RGS17: variants seen among roughly 807,000 people sequenced by gnomAD.
The protein encoded by RGS17 is regulator of G protein signaling 17, also known as regulator of G-protein signaling 17.
RGS17 carries 12 observed loss-of-function variants against 25.5 expected under a neutral mutation model. The observed-to-expected ratio is 0.47, with a 90% CI of 0.30 to 0.76. The LOEUF (loss-of-function observed/expected upper bound fraction) is 0.76. Ranked by LOEUF, RGS17 falls within the 30% of genes least tolerant of loss-of-function variation. The pLI, the probability that RGS17 is intolerant of heterozygous loss-of-function variation, is 0.07. For missense variants in RGS17, 196 were observed against 242.2 expected, an observed-to-expected ratio of 0.81 and a Z score of 1.27; for synonymous variants, 71 against 76.9, an observed-to-expected ratio of 0.92 and a Z score of 0.40.
intron 1 of RGS17, among the ~76,000 whole-genome samples, chr6:153,070,811 A>AT (rs1491519116): frequency 4.0e-5 from 6 of 150,934 alleles, no homozygotes; most frequent in African/African-American, 1.5e-4. Flanking sequence ...ACATATACAC[A>AT]TATACATATA....
rs1298822305 is a variant in RGS17, at chr6:153,054,090, T to G, written c.-25-10047A>C. Among the ~76,000 whole-genome samples the G allele has an allele frequency of 1.5e-3, 12 of 8,018 alleles. 1 individual carries two copies. The highest frequency in any genetic ancestry group is 5.0e-3 in the Admixed American group (2 of 398). 5.3% of individuals were successfully genotyped at this position (8,018 alleles called of 152,430 possible). A position where few individuals can be genotyped will look rare whatever the true frequency, so the allele number is the denominator to read the frequency against. ...TACATATATATATACACACAATATT[T>G]TTTATATATATATATATATATATGT... On this transcript the variant is annotated intron_variant, in intron 1 of 4. Coordinates refer to ENST00000206262, the MANE Select transcript of RGS17 (RefSeq NM_012419.5).
intron 1 of RGS17, among the ~76,000 whole-genome samples, chr6:153,083,947 C>A (rs1178669785): frequency 6.6e-6 from 1 of 152,140 alleles, no homozygotes; most frequent in Non-Finnish European, 1.5e-5. Flanking sequence ...TTGTAAATCT[C>A]ATTTTATGAA....
intron 2 of RGS17, among the ~76,000 whole-genome samples, chr6:153,037,454 G>A (rs1776263384): frequency 1.3e-5 from 2 of 148,486 alleles, no homozygotes. Flanking sequence ...TTGAGACAGA[G>A]TCTCTCTGTT....
chr6:153,024,369 A>G lies in RGS17; in HGVS notation c.337T>C (p.Phe113Leu), dbSNP rs775900403. The G allele has an allele frequency of 5.0e-6, 8 of 1,614,064 alleles. No homozygotes were observed. The highest frequency in any genetic ancestry group is 1.7e-6 in the Non-Finnish European group (2 of 1,180,002). Residue 113 changes from phenylalanine (F) to leucine (L), a missense_variant, in exon 4 of 5, where the codon TTC becomes CTC. By Grantham distance (22) the Phe-to-Leu change is conservative. Coordinates refer to ENST00000206262, the MANE Select transcript of RGS17 (RefSeq NM_012419.5). ...RTEYSEENLL[F>L]WLACEDLKKE... is the part of the protein sequence containing the mutation. ...TTTAAGTCTTCACAAGCAAGCCAGA[A>G]AAGTAGGTTCTCTTCACTGTATTCT...
At chr6:153,128,370 A>C (rs1777735892) in intron 1 of RGS17, among the ~76,000 whole-genome samples, 1 of 152,220 alleles carries the variant, frequency 6.6e-6, no homozygotes, top group South Asian at 2.1e-4. Flanking sequence ...GAGTATCAGA[A>C]ACAGGATTCT....
At chr6:153,053,618 T>C (rs1166536985) in intron 1 of RGS17, among the ~76,000 whole-genome samples, 1 of 151,916 alleles carries the variant, frequency 6.6e-6, no homozygotes, top group East Asian at 1.9e-4. Context: ...AGCCTCCATC[T>C]TTACAGAAAA....
intron 1 of RGS17, among the ~76,000 whole-genome samples, chr6:153,100,045 AT>A (rs1055327050): frequency 6.6e-6 from 1 of 152,206 alleles, no homozygotes; most frequent in African/African-American, 2.4e-5. Context: ...TACACTTTCA[AT>A]TTGGCAATAA....
intron 1 of RGS17, among the ~76,000 whole-genome samples, chr6:153,059,221 G>A (rs1327103080): frequency 6.6e-6 from 1 of 152,116 alleles, no homozygotes; most frequent in African/African-American, 2.4e-5. Context: ...CCCTATTAAA[G>A]TACTGAATCA....
intron 1 of RGS17, among the ~76,000 whole-genome samples, chr6:153,122,047 A>G (rs1372036663): frequency 6.6e-6 from 1 of 152,202 alleles, no homozygotes; most frequent in African/African-American, 2.4e-5. Context: ...ATAATAACGT[A>G]TTGAATGATA....
At position 153,006,655 on chromosome 6, in the gene RGS17, T is replaced by C. The variant is rs1280564782; in HGVS notation, c.*4919A>G. The C allele has an allele frequency of 6.6e-6, 1 of 152,376 alleles. No individual in the cohort carries two copies. 9.4% of individuals were successfully genotyped at this position (152,376 alleles called of 1,614,324 possible). A position where few individuals can be genotyped will look rare whatever the true frequency, so the allele number is the denominator to read the frequency against. On this transcript the variant is annotated 3_prime_UTR_variant, in exon 5 of 5. Coordinates refer to ENST00000206262, the MANE Select transcript of RGS17 (RefSeq NM_012419.5). The stretch of plus-strand genomic sequence containing the variant: ...TAGGGGAAAGTGCATTAAAGTGACA[T>C]TTAATACAAGTATACAATAACAATT...
intron 1 of RGS17, among the ~76,000 whole-genome samples, chr6:153,046,169 CATA>C (rs1776381721): frequency 6.6e-6 from 1 of 151,908 alleles, no homozygotes; most frequent in African/African-American, 2.4e-5. Context: ...AAAAGAAGGA[CATA>C]GCATACCAGA....
At chr6:153,048,590 G>A (rs1355907028) in intron 1 of RGS17, among the ~76,000 whole-genome samples, 2 of 152,142 alleles carry the variant, frequency 1.3e-5, no homozygotes, top group East Asian at 3.9e-4. Flanking sequence ...CCTTTTCTCT[G>A]CCTCTTGTTG....
At chr6:153,014,209 T>C (rs992017509) in intron 4 of RGS17, among the ~76,000 whole-genome samples, 1 of 152,192 alleles carries the variant, frequency 6.6e-6, no homozygotes, top group Non-Finnish European at 1.5e-5. Flanking sequence ...TTAAGAATTA[T>C]GCTAAATCTA....
intron 2 of RGS17, among the ~76,000 whole-genome samples, chr6:153,030,467 A>C (rs1215947911): frequency 6.6e-6 from 1 of 152,226 alleles, no homozygotes; most frequent in Non-Finnish European, 1.5e-5. Flanking sequence ...TAAACTGAAG[A>C]ATCAATAAGA....
chr6:153,092,916 G>A (rs1777153935), intron 1 of RGS17, among the ~76,000 whole-genome samples: 1 of 152,094 alleles, frequency 6.6e-6, no homozygotes, highest in South Asian at 2.1e-4. Context: ...GGGGGGAAAT[G>A]GACTGACTAA....
chr6:153,020,633 C>CAAA (rs1402074949), intron 4 of RGS17, among the ~76,000 whole-genome samples: 1 of 152,004 alleles, frequency 6.6e-6, no homozygotes, highest in African/African-American at 2.4e-5. Context: ...AAGAGGAACA[C>CAAA]AAATACGCAA....
At position 153,120,515 on chromosome 6, in the gene RGS17, G is replaced by A. The variant is rs1023770541; in HGVS notation, c.-26+10609C>T. Among the ~76,000 whole-genome samples, 10 of 152,008 alleles carry A rather than the reference G, an allele frequency of 6.6e-5. No individual in the cohort carries two copies. In the East Asian group the frequency reaches 1.7e-3, roughly 26 times the overall value. ...TGCCTTTTGCTGTTTCTCAGTTTAG[G>A]CCTCTTCTCTCACCTGGACAGCTGA... On this transcript the variant is annotated intron_variant, in intron 1 of 4. Coordinates refer to ENST00000206262, the MANE Select transcript of RGS17 (RefSeq NM_012419.5).
Position 153,006,425 on chromosome 6 carries a change from T to TCTAC in RGS17, c.*5148_*5149insGTAG, listed in dbSNP as rs1191615465. On this transcript the variant is annotated 3_prime_UTR_variant, in exon 5 of 5. Coordinates refer to ENST00000206262, the MANE Select transcript of RGS17 (RefSeq NM_012419.5). ...TGTATATCCATTTATCATCTATCTA[T>TCTAC]CATCTATCTATCAATCATCTATCTA... is the stretch of plus-strand genomic sequence containing the variant. 2 of 152,034 alleles carry TCTAC rather than the reference T, an allele frequency of 1.3e-5. No individual in the cohort carries two copies. Among genetic ancestry groups the TCTAC allele is most frequent in the Admixed American group, 6.6e-5 (1 of 15,194 alleles). The allele number at this position is 152,034 out of a possible 1,614,324, so 9.4% of individuals were successfully genotyped here. A position where few individuals can be genotyped will look rare whatever the true frequency, so the allele number is the denominator to read the frequency against.
At chr6:153,106,831 A>C (rs1408590726) in intron 1 of RGS17, among the ~76,000 whole-genome samples, 3 of 151,516 alleles carry the variant, frequency 2.0e-5, no homozygotes, top group Non-Finnish European at 4.4e-5. Flanking sequence ...ATGCGGTTTC[A>C]CCATGTTAGC....
Sources: allele counts gnomAD v4.1 joint callset (sites outside exome capture counted in the v4.1 genomes callset), GRCh38; gene constraint gnomAD v4.1.1; transcripts MANE v1.5; gene names NCBI Gene and HGNC (gene_info 2026-07-23, HGNC 2026-07-21).